Variants in DDX18 observed in about 807,000 individuals in gnomAD.
The protein encoded by DDX18 is DEAD-box helicase 18.
In DDX18, 23 loss-of-function variants were observed where a neutral mutation model predicts 73.5. The observed-to-expected ratio is 0.31, with a 90% CI of 0.23 to 0.44. The LOEUF (loss-of-function observed/expected upper bound fraction) is 0.44. Ranked by LOEUF, DDX18 falls within the 20% of genes least tolerant of loss-of-function variation. DDX18 has a pLI of 1.00. For synonymous variants in DDX18, 268 were observed against 282.7 expected (o/e 0.95, Z 0.52); for missense variants, 753 against 792.9 (o/e 0.95, Z 0.60).
At chr2:117,815,202 T>G (rs1679737011) in intron 1 of DDX18, 1 of 281,168 alleles carries the variant, frequency 3.6e-6, no homozygotes, top group East Asian at 8.0e-5. Context: ...GCACCTCACC[T>G]CATCCCTCAT....
At chr2:117,825,747 T>C (rs1195551072) in intron 10 of DDX18, 148 bp downstream of exon 10, 17 of 939,060 alleles carry the variant, frequency 1.8e-5, no homozygotes, top group Non-Finnish European at 2.5e-5. Flanking sequence ...TATTGAAAAG[T>C]ACTTAAGGCT....
intron 11 of DDX18, chr2:117,826,605 CTG>C: frequency 1.8e-6 from 1 of 556,972 alleles, no homozygotes; most frequent in East Asian, 3.1e-5. Context: ...AGCAACACCT[CTG>C]TGTCCCAGCC....
chr2:117,824,813 A>G, intron 8 of DDX18, 105 bp downstream of exon 8: 1 of 1,467,514 alleles, frequency 6.8e-7, no homozygotes, highest in Non-Finnish European at 9.1e-7. Context: ...AACTTTTAAA[A>G]TGCTGTAGGT....
intron 9 of DDX18, 84 bp downstream of exon 9, chr2:117,825,185 C>T (rs1679904290): frequency 6.7e-7 from 1 of 1,490,014 alleles, no homozygotes; most frequent in Admixed American, 2.1e-5. Context: ...TTGCCCTCTC[C>T]TGGAAACATT....
chr2:117,823,433 G>T lies in DDX18; in HGVS notation c.1067-1136G>T, dbSNP rs568041157. On this transcript the variant is annotated intron_variant, in intron 7 of 13. Coordinates refer to ENST00000263239, the MANE Select transcript of DDX18 (RefSeq NM_006773.4). ...AAATTTCAAGTTCCAATTGCTCGTT[G>T]CTTTAATATATACATATATACACAC... Among the ~76,000 whole-genome samples the T allele has an allele frequency of 1.1e-4, 16 of 152,158 alleles. No homozygotes were observed. The South Asian group carries it at 3.3e-3, about 32-fold the overall frequency.
In DDX18 at chr2:117,821,852, T is replaced by G; in HGVS notation, c.752-10T>G. On this transcript the variant is annotated splice_polypyrimidine_tract_variant and intron_variant, in intron 5 of 13. Transcript: ENST00000263239. ...GCCACATTTAGACTTCTACCATATA[T>G]CATTTTTAGGAACAGGAGTCCTTAT... is the stretch of plus-strand genomic sequence containing the variant. 1 of 1,613,922 alleles carries G rather than the reference T, an allele frequency of 6.2e-7. No individual in the cohort carries two copies. The highest frequency in any genetic ancestry group is 8.5e-7 in the Non-Finnish European group (1 of 1,179,866).
intron 13 of DDX18, among the ~76,000 whole-genome samples, chr2:117,830,092 AGAG>A (rs1408104865): frequency 6.6e-6 from 1 of 152,226 alleles, no homozygotes; most frequent in African/African-American, 2.4e-5. Flanking sequence ...TGAGGGAACT[AGAG>A]GACCAAATTT....
At chr2:117,823,763 A>G (rs1367266950) in intron 7 of DDX18, among the ~76,000 whole-genome samples, 2 of 152,192 alleles carry the variant, frequency 1.3e-5, no homozygotes, top group African/African-American at 4.8e-5. Context: ...TTTTACCATT[A>G]ACTACATATG....
At chr2:117,826,034 CTTTTTTTT>C (rs59119058) in intron 10 of DDX18, 62 of 97,280 alleles carry the variant, frequency 6.4e-4, no homozygotes, top group Admixed American at 1.2e-3. Flanking sequence ...CATGTCCAGC[CTTTTTTTT>C]TTTTTTTTTT....
intron 10 of DDX18, 111 bp from the exon 11 acceptor site, chr2:117,826,158 C>A: frequency 1.2e-6 from 1 of 825,904 alleles, no homozygotes; most frequent in Non-Finnish European, 1.9e-6. Flanking sequence ...GGCCCAGCAC[C>A]GTGGGACTAC....
intron 8 of DDX18, 68 bp downstream of exon 8, chr2:117,824,776 A>T (rs1679897752): frequency 6.8e-7 from 1 of 1,480,212 alleles, no homozygotes; most frequent in South Asian, 1.5e-5. Flanking sequence ...TGTTGGAAGG[A>T]TCATTCAGAA....
chr2:117,826,210 C>A, intron 10 of DDX18, 59 bp from the exon 11 acceptor site: 1 of 1,449,056 alleles, frequency 6.9e-7, no homozygotes, highest in South Asian at 1.2e-5. Flanking sequence ...GATGCAGATA[C>A]GCAAATGGGC....
intron 2 of DDX18, 82 bp from the exon 3 acceptor site, chr2:117,819,567 C>T: frequency 8.3e-7 from 1 of 1,205,858 alleles, no homozygotes; most frequent in Admixed American, 3.1e-5. Flanking sequence ...GTCTTTATAT[C>T]AGAGATCTTC....
intron 11 of DDX18, chr2:117,828,602 C>G (rs1393471706): frequency 9.6e-6 from 2 of 208,974 alleles, no homozygotes; most frequent in Non-Finnish European, 1.9e-5. Flanking sequence ...GTATTAGGGC[C>G]CCTCTTCTGA....
At chr2:117,825,925 T>G in intron 10 of DDX18, 1 of 393,208 alleles carries the variant, frequency 2.5e-6, no homozygotes, top group South Asian at 7.0e-5. Flanking sequence ...TAGAATAAGC[T>G]TCATTGAGAA....
In DDX18 at chr2:117,815,009, C is replaced by T. The variant is rs548269621; in HGVS notation, c.85+147C>T. 51 of 751,550 alleles carry T rather than the reference C, an allele frequency of 6.8e-5. No individual in the cohort carries two copies. The African/African-American group carries it at 8.2e-4, about 12-fold the overall frequency. The allele number at this position is 751,550 out of a possible 1,614,324, so 46.6% of individuals were successfully genotyped here. A position where few individuals can be genotyped will look rare whatever the true frequency, so the allele number is the denominator to read the frequency against. ...GGGGAGAGTGAAAAGGCAGCTTCCA[C>T]TCGGGACCCGCGCTGCTGCCCACTC... On this transcript the variant is annotated intron_variant, in intron 1 of 13. Coordinates refer to ENST00000263239, the MANE Select transcript of DDX18 (RefSeq NM_006773.4).
Position 117,822,227 on chromosome 2 carries a change from A to C in DDX18, c.1032A>C (p.Glu344Asp). 6.2e-7 allele frequency: 1 copy of C among 1,613,554 alleles called. No homozygotes were observed. Among genetic ancestry groups the C allele is most frequent in the Non-Finnish European group, 8.5e-7 (1 of 1,179,766 alleles). ...ATCGTATCTTGGATGTGGGGTTTGA[A>C]GAGGAATTAAAGCAAATTATTAAAC... The part of the protein sequence containing the change: ...EADRILDVGF[E>D]EELKQIIKLL... Residue 344 changes from glutamate to aspartate, a missense_variant, in exon 7 of 14, where the codon GAA (glutamate) becomes GAC (aspartate). Physicochemically the swap from Glu to Asp is conservative, Grantham distance 45. Transcript: ENST00000263239.
intron 8 of DDX18, 85 bp from the exon 9 acceptor site, chr2:117,824,855 A>G: frequency 6.7e-7 from 1 of 1,500,740 alleles, no homozygotes; most frequent in South Asian, 1.3e-5. Flanking sequence ...TGTGTTTATC[A>G]GTGCTCTTGA....
chr2:117,821,015 C>T, intron 3 of DDX18, 146 bp from the exon 4 acceptor site: 1 of 727,868 alleles, frequency 1.4e-6, no homozygotes, highest in Middle Eastern at 4.2e-4. Flanking sequence ...GGGTCTTTTT[C>T]TTGATATTAT....
Sources: allele counts gnomAD v4.1 joint callset (sites outside exome capture counted in the v4.1 genomes callset), GRCh38; gene constraint gnomAD v4.1.1; transcripts MANE v1.5; gene names NCBI Gene and HGNC (gene_info 2026-07-23, HGNC 2026-07-21).